The following TENM2 variants were observed in gnomAD, a reference collection of about 807,000 sequenced individuals.
The protein encoded by TENM2 is teneurin-2.
A neutral mutation model predicts 245.2 loss-of-function variants in TENM2; 52 were observed. The observed-to-expected ratio is 0.21, with a 90% confidence interval of 0.17 to 0.27. The LOEUF (loss-of-function observed/expected upper bound fraction) is 0.27. Ranked by LOEUF, TENM2 falls within the 10% of genes least tolerant of loss-of-function variation. The pLI, the probability that TENM2 is intolerant of heterozygous loss-of-function variation, is 1.00. For synonymous variants in TENM2, 1,363 were observed against 1,438.9 expected (o/e 0.95, Z 1.19); for missense variants, 3,046 against 3,666.8 (o/e 0.83, Z 4.37).
At chr5:167,718,908 TAGAG>T (rs933391180) in intron 2 of TENM2, among the ~76,000 whole-genome samples, 10 of 152,152 alleles carry the variant, frequency 6.6e-5, no homozygotes, top group Admixed American at 6.5e-5. Flanking sequence ...ATGTGTGAAT[TAGAG>T]AGAAAATATA....
chr5:167,293,894 C>G (rs751521750), intron 1 of TENM2, among the ~76,000 whole-genome samples: 27 of 151,962 alleles, frequency 1.8e-4, no homozygotes, highest in Admixed American at 1.1e-3. Context: ...TGCATCTGCC[C>G]CTTCTCTGTG....
At chr5:168,096,381 C>T (rs963748923) in intron 8 of TENM2, among the ~76,000 whole-genome samples, 3 of 152,150 alleles carry the variant, frequency 2.0e-5, no homozygotes, top group East Asian at 1.9e-4. Flanking sequence ...GCTTCTCAGC[C>T]GACATTTACA....
At chr5:167,600,918 T>G (rs772560820) in intron 2 of TENM2, among the ~76,000 whole-genome samples, 11 of 152,374 alleles carry the variant, frequency 7.2e-5, no homozygotes, top group African/African-American at 2.6e-4. Context: ...TCATTAGTCC[T>G]TAAACATACT....
At chr5:168,148,896 TA>T in intron 12 of TENM2, among the ~76,000 whole-genome samples, 1 of 135,058 alleles carries the variant, frequency 7.4e-6, no homozygotes, top group Admixed American at 7.7e-5. Context: ...GATAGATAGA[TA>T]GATAGATAGA....
intron 2 of TENM2, among the ~76,000 whole-genome samples, chr5:167,748,363 T>C (rs1008192552): frequency 7.9e-6 from 1 of 126,930 alleles, no homozygotes; most frequent in African/African-American, 3.0e-5. Context: ...TCCATTAAAA[T>C]AAGAATGATT....
intron 2 of TENM2, among the ~76,000 whole-genome samples, chr5:167,575,095 T>G (rs1774548516): frequency 7.3e-6 from 1 of 137,604 alleles, no homozygotes; most frequent in Non-Finnish European, 1.6e-5. Context: ...ATTGCTGACA[T>G]GAAAAAACTG....
intron 2 of TENM2, among the ~76,000 whole-genome samples, chr5:167,639,732 TA>T (rs139497157): frequency 0.035 from 5,312 of 152,036 alleles, 323 homozygotes; most frequent in African/African-American, 0.12. Flanking sequence ...CTTATTGTTT[TA>T]AAAAAAACCC....
intron 3 of TENM2, among the ~76,000 whole-genome samples, chr5:167,917,074 C>T (rs1172776554): frequency 3.3e-5 from 5 of 152,192 alleles, no homozygotes; most frequent in Admixed American, 6.5e-5. Flanking sequence ...TTGTTTGATA[C>T]TGTCAGGCAT....
intron 2 of TENM2, among the ~76,000 whole-genome samples, chr5:167,706,391 CTA>C (rs532861527): frequency 0.01 from 1,458 of 144,362 alleles, 17 homozygotes; most frequent in African/African-American, 0.032. Context: ...AAATGTGATA[CTA>C]TATATATATA....
chr5:167,814,993 G>T (rs1277603188), intron 2 of TENM2, among the ~76,000 whole-genome samples: 1 of 152,116 alleles, frequency 6.6e-6, no homozygotes, highest in Non-Finnish European at 1.5e-5. Flanking sequence ...TTGGTCAGTG[G>T]GGATGAGTGT....
intron 2 of TENM2, among the ~76,000 whole-genome samples, chr5:167,697,627 C>G (rs546879518): frequency 1.3e-5 from 2 of 152,128 alleles, no homozygotes; most frequent in African/African-American, 4.8e-5. Context: ...CAGGTTCAAG[C>G]GATTCTCCTG....
Position 167,411,573 on chromosome 5 carries a change from A to AGAGTGTGTGTGT in TENM2, c.502+36101_502+36102insAGTGTGTGTGTG, listed in dbSNP as rs752919344. ...GTGTGCATGTGTATATGTAGGTGAG[A>AGAGTGTGTGTGT]GTGTGTGTGTGTGTGTGTGTGTGTG... is the stretch of plus-strand genomic sequence containing the variant. On this transcript the variant is annotated intron_variant, in intron 2 of 28. Coordinates refer to ENST00000518659, the Ensembl canonical transcript of TENM2. Among the ~76,000 whole-genome samples, 348 of 145,130 alleles carry AGAGTGTGTGTGT rather than the reference A, an allele frequency of 2.4e-3. 1 individual carries two copies. The highest frequency in any genetic ancestry group is 8.6e-3 in the African/African-American group (334 of 38,916).
At chr5:166,990,672 G>A in the TENM2 span, among the ~76,000 whole-genome samples, 1 of 152,130 alleles carries the variant, frequency 6.6e-6, no homozygotes, top group African/African-American at 2.4e-5. Flanking sequence ...TGATAATGAA[G>A]ATATTTAAAT....
intron 25 of TENM2, among the ~76,000 whole-genome samples, chr5:168,240,136 C>T (rs1170946116): frequency 6.6e-6 from 1 of 152,228 alleles, no homozygotes; most frequent in Non-Finnish European, 1.5e-5. Context: ...ATGAGAATCA[C>T]TTGAACCCAG....
chr5:168,085,286 C>T (rs1414435008), intron 7 of TENM2: 2 of 152,174 alleles, frequency 1.3e-5, no homozygotes, highest in Admixed American at 6.5e-5. Context: ...ATCAAGAATT[C>T]CACCCTTGTA....
At chr5:167,041,068 A>G in the TENM2 span, among the ~76,000 whole-genome samples, 1 of 152,216 alleles carries the variant, frequency 6.6e-6, no homozygotes, top group Non-Finnish European at 1.5e-5. Context: ...GGAGCAGAAT[A>G]CAATAAACTA....
chr5:167,680,257 A>T (rs1756612928), intron 2 of TENM2, among the ~76,000 whole-genome samples: 1 of 152,058 alleles, frequency 6.6e-6, no homozygotes, highest in Non-Finnish European at 1.5e-5. Context: ...TCAGAAAAAA[A>T]ATAGCCACAA....
chr5:167,865,636 T>C (rs1031318998), intron 2 of TENM2, among the ~76,000 whole-genome samples: 4 of 152,032 alleles, frequency 2.6e-5, no homozygotes, highest in Non-Finnish European at 5.9e-5. Context: ...AAAAATGTGG[T>C]CGCGCTACCA....
intron 2 of TENM2, among the ~76,000 whole-genome samples, chr5:167,754,238 G>A (rs74748461): frequency 0.031 from 4,744 of 152,106 alleles, 257 homozygotes; most frequent in African/African-American, 0.11. Flanking sequence ...CCCTTTGCAC[G>A]TTAGGAAACA....
Sources: gnomAD v4.1 joint callset for allele counts (sites outside exome capture counted in the v4.1 genomes callset) on GRCh38, gnomAD v4.1.1 for gene constraint, MANE v1.5 for transcripts, NCBI Gene and HGNC (gene_info 2026-07-23, HGNC 2026-07-21) for gene names.